Variants in INPP4B observed in about 807,000 individuals in gnomAD.
INPP4B encodes inositol polyphosphate 4-phosphatase type II.
In INPP4B, 55 loss-of-function variants were observed where a neutral mutation model predicts 122.5. That is an observed-to-expected ratio of 0.45 (90% confidence interval 0.36 to 0.56). The LOEUF is 0.56. Among genes scored for constraint, INPP4B ranks in the 20% least tolerant of loss-of-function variants. INPP4B has a pLI of 0.00. For synonymous variants in INPP4B, 403 were observed against 388.7 expected (o/e 1.04, Z -0.43); for missense variants, 1,000 against 1,097.7 (o/e 0.91, Z 1.26).
chr4:142,300,121 C>T (rs1442397972), intron 9 of INPP4B, among the ~76,000 whole-genome samples: 8 of 152,102 alleles, frequency 5.3e-5, no homozygotes, highest in Admixed American at 5.2e-4. Context: ...CTATCTATGG[C>T]CAGGTTGTTT....
At chr4:142,554,049 C>T (rs1278719611) in intron 2 of INPP4B, among the ~76,000 whole-genome samples, 2 of 151,872 alleles carry the variant, frequency 1.3e-5, no homozygotes, top group Non-Finnish European at 1.5e-5. Context: ...ATTAGCTGGG[C>T]ATGGTGGCCA....
At chr4:142,270,361 T>C (rs73850833) in intron 10 of INPP4B, among the ~76,000 whole-genome samples, 303 of 152,310 alleles carry the variant, frequency 2.0e-3, no homozygotes, top group African/African-American at 6.9e-3. Context: ...GAGTTAATTA[T>C]GGTAAAATGC....
intron 1 of INPP4B, among the ~76,000 whole-genome samples, chr4:142,775,947 G>A (rs1332784506): frequency 6.6e-6 from 1 of 152,084 alleles, no homozygotes; most frequent in Non-Finnish European, 1.5e-5. Context: ...TGCATCAACT[G>A]ATATGATCAT....
intron 2 of INPP4B, among the ~76,000 whole-genome samples, chr4:142,627,326 A>G (rs113715008): frequency 0.014 from 2,137 of 147,666 alleles, 13 homozygotes; most frequent in African/African-American, 0.028. Context: ...TCCCTGTCTT[A>G]TGCCAGTTTT....
At chr4:142,426,829 G>C (rs998005476) in intron 5 of INPP4B, 1 of 151,894 alleles carries the variant, frequency 6.6e-6, no homozygotes, top group African/African-American at 2.4e-5. Context: ...CAAGGTCATT[G>C]AAATTCCTAA....
intron 25 of INPP4B, among the ~76,000 whole-genome samples, chr4:142,060,931 A>G (rs1760314100): frequency 6.6e-6 from 1 of 152,206 alleles, no homozygotes; most frequent in South Asian, 2.1e-4. Context: ...TTTGCTCGTA[A>G]TTACTTATAA....
intron 18 of INPP4B, among the ~76,000 whole-genome samples, chr4:142,138,337 G>T (rs1358015613): frequency 2.9e-5 from 4 of 138,810 alleles, no homozygotes; most frequent in Admixed American, 7.8e-5. Flanking sequence ...ATTGAACAAT[G>T]AGAACACATG....
intron 15 of INPP4B, among the ~76,000 whole-genome samples, chr4:142,192,137 C>A (rs993613983): frequency 6.6e-6 from 1 of 151,588 alleles, no homozygotes; most frequent in Non-Finnish European, 1.5e-5. Flanking sequence ...AATTTGGATT[C>A]TTCAACAGAC....
intron 1 of INPP4B, among the ~76,000 whole-genome samples, chr4:142,833,886 A>C (rs904496179): frequency 6.6e-6 from 1 of 152,168 alleles, no homozygotes; most frequent in African/African-American, 2.4e-5. Flanking sequence ...TCAATAGCGC[A>C]CCCAGACTAT....
intron 2 of INPP4B, among the ~76,000 whole-genome samples, chr4:142,588,579 T>C (rs1736735305): frequency 6.7e-6 from 1 of 149,554 alleles, no homozygotes; most frequent in African/African-American, 2.4e-5. Context: ...ATTTTATAAT[T>C]TTTAAGTTAT....
At chr4:142,458,719 T>C (rs940569391) in intron 3 of INPP4B, among the ~76,000 whole-genome samples, 1 of 152,188 alleles carries the variant, frequency 6.6e-6, no homozygotes, top group Admixed American at 6.5e-5. Flanking sequence ...CACGACTTAA[T>C]TGATACACTT....
intron 11 of INPP4B, among the ~76,000 whole-genome samples, chr4:142,259,866 A>T (rs10001767): frequency 6.6e-6 from 1 of 152,146 alleles, no homozygotes; most frequent in Non-Finnish European, 1.5e-5. Context: ...TGGGGTCAGG[A>T]TCATCAAGAT....
chr4:142,687,578 A>T (rs931752595), intron 2 of INPP4B, among the ~76,000 whole-genome samples: 1 of 151,960 alleles, frequency 6.6e-6, no homozygotes, highest in South Asian at 2.1e-4. Flanking sequence ...AAAAAAAAAA[A>T]AAAATCCTTG....
chr4:142,231,047 G>A (rs1196552760), intron 12 of INPP4B, among the ~76,000 whole-genome samples: 1 of 152,152 alleles, frequency 6.6e-6, no homozygotes, highest in African/African-American at 2.4e-5. Context: ...CCAATTGAAG[G>A]GAGCCCCCAA....
chr4:142,420,472 AT>A (rs1182411327), intron 5 of INPP4B, among the ~76,000 whole-genome samples: 1 of 152,142 alleles, frequency 6.6e-6, no homozygotes, highest in Non-Finnish European at 1.5e-5. Flanking sequence ...AACATGCTAA[AT>A]CTTGGTCACC....
In INPP4B at chr4:142,564,453, AAG is replaced by A. The variant is rs762063456; in HGVS notation, c.-190-101729_-190-101728del. 5.4e-3 allele frequency among the ~76,000 whole-genome samples: 669 copies of A among 123,054 alleles called. 19 individuals carry two copies. Among genetic ancestry groups the A allele is most frequent in the Admixed American group, 0.026 (310 of 11,772 alleles). 80.7% of individuals were successfully genotyped at this position (123,054 alleles called of 152,430 possible). A position where few individuals can be genotyped will look rare whatever the true frequency, so the allele number is the denominator to read the frequency against. On this transcript the variant is annotated intron_variant, in intron 2 of 25. Transcript: ENST00000262992. ...TTAAGGAATGGCAAAAAAAAAAAAA[AAG>A]AAAGAAAGAAAGAAAGAAAGAAAAA...
chr4:142,219,836 C>G (rs1219405737), intron 12 of INPP4B, among the ~76,000 whole-genome samples: 1 of 152,116 alleles, frequency 6.6e-6, no homozygotes, highest in African/African-American at 2.4e-5. Context: ...TTAGTGGACA[C>G]CATAAGATTT....
intron 6 of INPP4B, among the ~76,000 whole-genome samples, chr4:142,404,842 A>C (rs911388553): frequency 6.6e-6 from 1 of 152,046 alleles, no homozygotes; most frequent in Non-Finnish European, 1.5e-5. Context: ...TTCAATTTAA[A>C]GTCTGTATGT....
At chr4:142,284,364 A>G (rs999257919) in intron 9 of INPP4B, among the ~76,000 whole-genome samples, 1 of 152,178 alleles carries the variant, frequency 6.6e-6, no homozygotes, top group African/African-American at 2.4e-5. Context: ...GTGAGAAGAG[A>G]TAGAATCTAA....
Sources: gnomAD v4.1 joint callset for allele counts (sites outside exome capture counted in the v4.1 genomes callset) on GRCh38, gnomAD v4.1.1 for gene constraint, MANE v1.5 for transcripts, NCBI Gene and HGNC (gene_info 2026-07-23, HGNC 2026-07-21) for gene names.